Variants in GSN observed in about 807,000 individuals in gnomAD.
GSN encodes the protein actin-depolymerizing factor.
A neutral mutation model predicts 85.7 loss-of-function variants in GSN; 56 were observed. The observed-to-expected ratio is 0.65, with a 90% confidence interval of 0.53 to 0.82. GSN has a LOEUF of 0.82. GSN is among the 40% of genes least tolerant of loss of function. The probability of loss-of-function intolerance (pLI) is 0.00; values close to 1 mark genes in which losing one functional copy is unlikely to be tolerated. For missense variants in GSN, 857 were observed against 979.8 expected, an observed-to-expected ratio of 0.87 and a Z score of 1.67; for synonymous variants, 373 against 399.1, an observed-to-expected ratio of 0.93 and a Z score of 0.78.
chr9:121,230,389 A>G (rs1266368512), intron 4 of GSN, among the ~76,000 whole-genome samples: 1 of 152,236 alleles, frequency 6.6e-6, no homozygotes, highest in Admixed American at 6.5e-5. Flanking sequence ...GACCTCATGA[A>G]GAGATGTAGC....
intron 4 of GSN, chr9:121,310,404 G>T (rs569731460): frequency 3.2e-5 from 15 of 469,224 alleles, no homozygotes; most frequent in African/African-American, 2.4e-4. Flanking sequence ...GGATTCAAAG[G>T]GGTGGCAGAA....
chr9:121,314,047 C>T (rs1252243855), intron 7 of GSN, 24 bp downstream of exon 7: 2 of 1,564,856 alleles, frequency 1.3e-6, no homozygotes, highest in East Asian at 2.2e-5. Flanking sequence ...GCACTGTCTG[C>T]CTGGGCATGG....
chr9:121,265,486 T>C (rs183783459), upstream of GSN, among the ~76,000 whole-genome samples: 22 of 152,340 alleles, frequency 1.4e-4, no homozygotes, highest in East Asian at 4.2e-3. Flanking sequence ...GTCCAGCTTT[T>C]TTCTGCCGTC....
intron 4 of GSN, among the ~76,000 whole-genome samples, chr9:121,227,494 G>A (rs2054293248): frequency 6.6e-6 from 1 of 152,176 alleles, no homozygotes; most frequent in Admixed American, 6.5e-5. Flanking sequence ...GGTGGTAGTG[G>A]GAGCCTCGAT....
rs2059523080 is a variant in GSN, at chr9:121,299,282, C to T, written c.-9-2681C>T. The T allele has an allele frequency of 1.0e-6, 1 of 985,072 alleles. No individual in the cohort carries two copies. The highest frequency in any genetic ancestry group is 4.7e-5 in the South Asian group (1 of 21,290). 61.0% of individuals were successfully genotyped at this position (985,072 alleles called of 1,614,324 possible). On this transcript the variant is annotated intron_variant, in intron 2 of 17. Transcript: ENST00000432226. This position sits in a 1 kb window ranked among gnomAD's most constrained non-coding sequence, Gnocchi z 4.2. ...CTTCACCTGCCCACGGGAGCCGGGT[C>T]CCCTGCCCTGCTGCGGCGCATGCTG...
chr9:121,294,071 C>G (rs1036438363), intron 2 of GSN, among the ~76,000 whole-genome samples: 8 of 152,200 alleles, frequency 5.3e-5, no homozygotes, highest in Non-Finnish European at 1.2e-4. Context: ...CTGTTTTTCT[C>G]CCTCTTGGAA....
At chr9:121,302,751 G>A (rs898145325) in intron 3 of GSN, among the ~76,000 whole-genome samples, 160 bp from the exon 4 acceptor site, 2 of 152,200 alleles carry the variant, frequency 1.3e-5, no homozygotes, top group African/African-American at 4.8e-5. Context: ...CCATCGTCCT[G>A]TTATACAGAT....
At chr9:121,265,131 C>G (rs144590319), upstream of GSN, 7 of 152,270 alleles carry the variant, frequency 4.6e-5, no homozygotes, top group African/African-American at 1.7e-4. Context: ...GTATGAAATC[C>G]CTGTCTCATC....
At position 121,293,765 on chromosome 9, in the gene GSN, G is replaced by A. The variant is rs575553315; in HGVS notation, c.-9-8198G>A. Among the ~76,000 whole-genome samples, 4 of 151,620 alleles carry A rather than the reference G, an allele frequency of 2.6e-5. No homozygotes were observed. The South Asian group carries it at 6.3e-4, about 24-fold the overall frequency. The stretch of plus-strand genomic sequence containing the variant: ...ACATGTAAGGAAATTGAGGCTCAGA[G>A]AGATAGAAACTTATCCAAGTCTCTC... On this transcript the variant is annotated intron_variant, in intron 2 of 17. Coordinates refer to ENST00000432226, the MANE Select transcript of GSN (RefSeq NM_198252.3).
intron 6 of GSN, among the ~76,000 whole-genome samples, chr9:121,253,972 T>C (rs894384908): frequency 7.9e-5 from 12 of 152,188 alleles, no homozygotes; most frequent in Non-Finnish European, 1.2e-4. Flanking sequence ...TCCTACTCTT[T>C]TGAGAAAATT....
At chr9:121,224,975 C>T (rs12343027) in intron 4 of GSN, among the ~76,000 whole-genome samples, 12,454 of 151,952 alleles carry the variant, frequency 0.082, 680 homozygotes, top group Admixed American at 0.18. Context: ...CATGCCACTA[C>T]GCTGGATAAT....
In GSN at chr9:121,221,754, GC is replaced by G. The variant is rs1219155775; in HGVS notation, c.-527-9410del. Among the ~76,000 whole-genome samples the G allele has an allele frequency of 2.6e-5, 4 of 152,166 alleles. No homozygotes were observed. In the East Asian group the frequency reaches 7.7e-4, roughly 29 times the overall value. ...TCTCTGGGCCACAGCGAGAGTCTGA[GC>G]TAGTTGACCAGCACATAGTCAAAGA... On this transcript the variant is annotated intron_variant, in intron 4 of 24. Transcript: ENST00000373823.
intron 4 of GSN, among the ~76,000 whole-genome samples, chr9:121,214,950 T>C (rs1257400889): frequency 1.3e-5 from 2 of 152,162 alleles, no homozygotes; most frequent in Non-Finnish European, 2.9e-5. Flanking sequence ...CTGGGTGGCT[T>C]GCAATAACAA....
intron 4 of GSN, 135 bp downstream of exon 4, chr9:121,303,200 C>A: frequency 1.2e-6 from 1 of 833,492 alleles, no homozygotes; most frequent in Non-Finnish European, 2.0e-6. Flanking sequence ...AGTCAACCAA[C>A]ATTGTGTTTA....
intron 4 of GSN, among the ~76,000 whole-genome samples, chr9:121,217,398 C>T (rs2054085269): frequency 6.6e-6 from 1 of 151,836 alleles, no homozygotes; most frequent in Non-Finnish European, 1.5e-5. Flanking sequence ...ATTTTAAGTT[C>T]AGGAGTACCT....
chr9:121,227,715 T>G (rs1419465939), intron 4 of GSN, among the ~76,000 whole-genome samples: 1 of 152,118 alleles, frequency 6.6e-6, no homozygotes, highest in Non-Finnish European at 1.5e-5. Context: ...ACCCTCACAT[T>G]GGTGTCAGAC....
intron 4 of GSN, chr9:121,308,685 G>A (rs1392096160): frequency 6.6e-6 from 1 of 152,218 alleles, no homozygotes; most frequent in East Asian, 1.9e-4. Flanking sequence ...CTGATATTGA[G>A]AGAAGAATGT....
intron 2 of GSN, among the ~76,000 whole-genome samples, chr9:121,294,624 C>T (rs2059036232): frequency 6.6e-6 from 1 of 152,204 alleles, no homozygotes; most frequent in Non-Finnish European, 1.5e-5. Flanking sequence ...GCCCCGCTGG[C>T]CATCTCCCCA....
At chr9:121,232,115 T>C (rs1261657116) in intron 5 of GSN, among the ~76,000 whole-genome samples, 1 of 152,090 alleles carries the variant, frequency 6.6e-6, no homozygotes, top group Non-Finnish European at 1.5e-5. Flanking sequence ...CAGATTAATA[T>C]GGGAGGAAGT....
Sources: allele counts gnomAD v4.1 joint callset (sites outside exome capture counted in the v4.1 genomes callset), GRCh38; gene constraint gnomAD v4.1.1; non-coding constraint Gnocchi (gnomAD v3.1); transcripts MANE v1.5; gene names NCBI Gene and HGNC (gene_info 2026-07-23, HGNC 2026-07-21).